Variants in ERAP1 observed in about 807,000 individuals in gnomAD.
The protein encoded by ERAP1 is endoplasmic reticulum aminopeptidase 1.
Under a neutral mutation model 103.7 loss-of-function variants are expected in ERAP1, and 86 were observed. That is an observed-to-expected ratio of 0.83 (90% CI 0.70 to 0.99). The LOEUF is 0.99. Among genes scored for constraint, ERAP1 ranks in the 50% least tolerant of loss-of-function variants. ERAP1 has a pLI of 0.00. For missense variants in ERAP1, 1,009 were observed against 1,128.4 expected (o/e 0.89, Z 1.52); for synonymous variants, 398 against 402.4 (o/e 0.99, Z 0.13).
At position 96,775,135 on chromosome 5, in the gene ERAP1, G is replaced by GTAT; in HGVS notation, c.*1258_*1260dup. The stretch of plus-strand genomic sequence containing the variant: ...TAAGAAATAAAATCTAATTCTTAGG[G>GTAT]TATTAACTGACTTGACTTGAACTCC... On this transcript the variant is annotated 3_prime_UTR_variant, in exon 19 of 19. Coordinates refer to ENST00000443439, the MANE Select transcript of ERAP1 (RefSeq NM_001040458.3). The GTAT allele has an allele frequency of 1.0e-6, 1 of 985,458 alleles. No homozygotes were observed. The highest frequency in any genetic ancestry group is 5.2e-4 in the Middle Eastern group (1 of 1,914). 61.0% of individuals were successfully genotyped at this position (985,458 alleles called of 1,614,324 possible). A position where few individuals can be genotyped will look rare whatever the true frequency, so the allele number is the denominator to read the frequency against.
the ERAP1 span, chr5:96,909,580 C>T: frequency 1.4e-5 from 23 of 1,613,022 alleles, no homozygotes; most frequent in African/African-American, 2.0e-4. Flanking sequence ...TTTTCTGCAG[C>T]GTTACCTTCT....
intron 18 of ERAP1, chr5:96,777,007 CTG>C (rs1774424784): frequency 6.3e-6 from 1 of 158,180 alleles, no homozygotes; most frequent in African/African-American, 2.4e-5. Context: ...TATAGAAACA[CTG>C]TGGGGAATGG....
chr5:96,932,158 T>C, the ERAP1 span, among the ~76,000 whole-genome samples: 5 of 152,320 alleles, frequency 3.3e-5, no homozygotes, highest in African/African-American at 1.2e-4. Flanking sequence ...ATTAATGCAG[T>C]GTATGTATGC....
rs10515248 is a variant in ERAP1, at chr5:96,776,301, C to T, written c.*95G>A. On this transcript the variant is annotated 3_prime_UTR_variant, in exon 19 of 19. Coordinates refer to ENST00000443439, the MANE Select transcript of ERAP1 (RefSeq NM_001040458.3). ...ATGAGTTGAAGGGAAAAAAGTATCT[C>T]CAGTTGGAGCCAAAACAGCCATCTC... The T allele has an allele frequency of 0.11, 175,794 of 1,544,294 alleles. 10,911 individuals are homozygous for T. Among genetic ancestry groups the T allele is most frequent in the Non-Finnish European group, 0.13 (146,441 of 1,149,324 alleles).
chr5:96,817,576 C>G, the ERAP1 span, among the ~76,000 whole-genome samples: 3 of 152,176 alleles, frequency 2.0e-5, no homozygotes, highest in Admixed American at 6.5e-5. Context: ...TATTACATGA[C>G]TTACATAATC....
the ERAP1 span, chr5:96,896,509 T>C: frequency 6.2e-7 from 1 of 1,611,554 alleles, no homozygotes; most frequent in Admixed American, 1.7e-5. Flanking sequence ...AACAAGGTAG[T>C]AAATATCAGG....
chr5:96,783,965 T>C lies in ERAP1; in HGVS notation c.2059A>G (p.Met687Val), dbSNP rs761866231. 1.2e-6 allele frequency: 2 copies of C among 1,613,802 alleles called. No homozygotes were observed. The highest frequency in any genetic ancestry group is 8.5e-7 in the Non-Finnish European group (1 of 1,179,918). ...ACTTCATTCATATCTCTTTTCTCCA[T>C]TAACTTATACATAGGAATCAGCTCA... is the stretch of plus-strand genomic sequence containing the variant. The part of the protein sequence containing the change: ...LNELIPMYKL[M>V]EKRDMNEVET... Residue 687 changes from methionine (M) to valine (V), a missense_variant, in exon 14 of 19, where the codon ATG (methionine) becomes GTG (valine). By Grantham distance (21) the Met-to-Val change is conservative (BLOSUM62 1). Around this residue, in one of 3 missense-constraint regions of ERAP1, gnomAD observed 611 missense variants for 651.7 expected, o/e 0.94. Coordinates refer to ENST00000443439, the MANE Select transcript of ERAP1 (RefSeq NM_001040458.3).
the ERAP1 span, among the ~76,000 whole-genome samples, chr5:96,921,810 A>AT: frequency 4.6e-5 from 7 of 152,276 alleles, no homozygotes; most frequent in African/African-American, 1.4e-4. Context: ...TTTCAATACT[A>AT]TATTTCAGGC....
At chr5:96,785,436 C>G in intron 13 of ERAP1, 1 of 344,518 alleles carries the variant, frequency 2.9e-6, no homozygotes, top group Non-Finnish European at 5.7e-6. Flanking sequence ...TGGGAGAAAC[C>G]TGATCCGGTA....
At chr5:96,801,107 G>T in intron 2 of ERAP1, 107 bp from the exon 3 acceptor site, 2 of 1,283,304 alleles carry the variant, frequency 1.6e-6, no homozygotes, top group Non-Finnish European at 2.2e-6. Flanking sequence ...GATGGATTTT[G>T]CTACTAAAAA....
the ERAP1 span, among the ~76,000 whole-genome samples, chr5:96,869,697 C>T: frequency 2.0e-5 from 3 of 152,152 alleles, no homozygotes; most frequent in African/African-American, 7.2e-5. Flanking sequence ...AAACATAAGT[C>T]TAGTGAAAAC....
the ERAP1 span, chr5:96,814,325 A>C: frequency 4.4e-6 from 2 of 456,308 alleles, no homozygotes; most frequent in Non-Finnish European, 8.8e-6. Context: ...AAGAAAGGAA[A>C]TTATGCAAGA....
chr5:96,906,578 A>C, the ERAP1 span, among the ~76,000 whole-genome samples: 5 of 152,196 alleles, frequency 3.3e-5, no homozygotes, highest in Non-Finnish European at 5.9e-5. Context: ...TGGAGAGAGA[A>C]TTTGATGCAA....
chr5:96,790,548 AT>A lies in ERAP1; in HGVS notation c.1415del (p.Asn472IlefsTer20). The A allele has an allele frequency of 6.2e-7, 1 of 1,613,938 alleles. No individual in the cohort carries two copies. Among genetic ancestry groups the A allele is most frequent in the South Asian group, 1.1e-5 (1 of 91,080 alleles). On this transcript the variant is annotated frameshift_variant, in exon 9 of 19. Coordinates refer to ENST00000443439, the MANE Select transcript of ERAP1 (RefSeq NM_001040458.3). LOFTEE classifies it high-confidence loss of function. ...VQYLQKHSYK[N>X]TKNEDLWDSM... ...TATCCCACAGGTCCTCGTTTTTTGT[AT>A]TTTTATAGCTATGCTTCTGGAGATA...
the ERAP1 span, among the ~76,000 whole-genome samples, chr5:96,841,248 C>T: frequency 7.2e-5 from 11 of 152,152 alleles, no homozygotes; most frequent in African/African-American, 2.7e-4. Context: ...TAAAAAATTC[C>T]CTTCCCCGAG....
chr5:96,797,951 T>C (rs1324737417), intron 3 of ERAP1, among the ~76,000 whole-genome samples: 1 of 152,190 alleles, frequency 6.6e-6, no homozygotes, highest in East Asian at 1.9e-4. Flanking sequence ...CAATGCAATG[T>C]CGAGCTGTTG....
At chr5:96,901,188 G>GTTTGTTTT in the ERAP1 span, among the ~76,000 whole-genome samples, 4 of 147,120 alleles carry the variant, frequency 2.7e-5, no homozygotes, top group African/African-American at 9.8e-5. Context: ...TTGTTTGTTT[G>GTTTGTTTT]ATTTTGTTTG....
chr5:96,774,784 A>AGTT lies in ERAP1; in HGVS notation c.*1611_*1612insAAC. ...ATTAAACCATTCACTACAACAAATA[A>AGTT]GTATAAAAATTCCAATTCCACTTTT... On this transcript the variant is annotated 3_prime_UTR_variant, in exon 19 of 19. Coordinates refer to ENST00000443439, the MANE Select transcript of ERAP1 (RefSeq NM_001040458.3). 1 of 984,386 alleles carries AGTT rather than the reference A, an allele frequency of 1.0e-6. No homozygotes were observed. Among genetic ancestry groups the AGTT allele is most frequent in the Non-Finnish European group, 1.2e-6 (1 of 828,856 alleles). 61.0% of individuals were successfully genotyped at this position (984,386 alleles called of 1,614,324 possible).
the ERAP1 span, among the ~76,000 whole-genome samples, chr5:96,836,506 T>A: frequency 6.6e-6 from 1 of 152,196 alleles, no homozygotes; most frequent in East Asian, 1.9e-4. Context: ...CTGGTCCACA[T>A]CTTTGGTTTT....
Sources: gnomAD v4.1 joint callset for allele counts (sites outside exome capture counted in the v4.1 genomes callset) on GRCh38, gnomAD v4.1.1 for gene constraint, gnomAD v4.1.1 regional missense constraint, MANE v1.5 for transcripts, NCBI Gene and HGNC (gene_info 2026-07-23, HGNC 2026-07-21) for gene names.